Variants in NALF1 observed in about 807,000 individuals in gnomAD.
The protein encoded by NALF1 is family with sequence similarity 155 member A.
In NALF1, 3 loss-of-function variants were observed where a neutral mutation model predicts 48.4. The ratio of observed to expected loss-of-function variants is 0.06; its 90% CI spans 0.03 to 0.16. The LOEUF is 0.16. NALF1 is among the 10% of genes least tolerant of loss of function. NALF1 has a pLI of 1.00. For synonymous variants in NALF1, 262 were observed against 245.7 expected (o/e 1.07, Z -0.62); for missense variants, 526 against 571.5 (o/e 0.92, Z 0.81).
intron 1 of NALF1, among the ~76,000 whole-genome samples, chr13:107,309,506 T>A (rs1283904364): frequency 6.6e-6 from 1 of 152,210 alleles, no homozygotes; most frequent in Non-Finnish European, 1.5e-5. Context: ...ATTATTTGAT[T>A]CGGGAAAGTG....
intron 1 of NALF1, among the ~76,000 whole-genome samples, chr13:107,216,829 T>A (rs921392881): frequency 6.6e-6 from 1 of 152,146 alleles, no homozygotes; most frequent in Non-Finnish European, 1.5e-5. Context: ...GCAAGCCCAG[T>A]TGGCCAATCA....
At chr13:107,581,515 A>G (rs1306740107) in intron 1 of NALF1, among the ~76,000 whole-genome samples, 1 of 152,178 alleles carries the variant, frequency 6.6e-6, no homozygotes, top group Non-Finnish European at 1.5e-5. Context: ...TGCTAATTTA[A>G]TTAAAAACTG....
intron 1 of NALF1, among the ~76,000 whole-genome samples, chr13:107,704,766 G>T (rs978223994): frequency 3.9e-5 from 6 of 152,100 alleles, no homozygotes; most frequent in Admixed American, 3.9e-4. Flanking sequence ...TATTCATCAT[G>T]TTTTCATTTC....
At chr13:107,627,550 T>C (rs1879710586) in intron 1 of NALF1, among the ~76,000 whole-genome samples, 1 of 152,094 alleles carries the variant, frequency 6.6e-6, no homozygotes, top group Non-Finnish European at 1.5e-5. Context: ...GAAAGCAGCA[T>C]GGGTGTCAGC....
At chr13:107,214,542 C>T (rs1337088490) in intron 1 of NALF1, among the ~76,000 whole-genome samples, 2 of 152,138 alleles carry the variant, frequency 1.3e-5, no homozygotes, top group Non-Finnish European at 2.9e-5. Context: ...CCGACATCCA[C>T]CCACTCTTCC....
intron 1 of NALF1, among the ~76,000 whole-genome samples, chr13:107,457,371 T>C (rs1450693179): frequency 6.6e-6 from 1 of 152,146 alleles, no homozygotes; most frequent in Non-Finnish European, 1.5e-5. Flanking sequence ...ATGAATGTAA[T>C]ATTGGCCTCA....
chr13:107,235,215 T>A (rs1344292635), intron 1 of NALF1, among the ~76,000 whole-genome samples: 1 of 152,242 alleles, frequency 6.6e-6, no homozygotes, highest in East Asian at 1.9e-4. Context: ...GAATGCACTG[T>A]CTTCCTATTA....
chr13:107,732,889 C>T (rs182501182), intron 1 of NALF1, among the ~76,000 whole-genome samples: 1 of 152,224 alleles, frequency 6.6e-6, no homozygotes, highest in African/African-American at 2.4e-5. Flanking sequence ...TATGGACAAA[C>T]TTTCTACCCG....
At chr13:107,538,644 C>T (rs185689243) in intron 1 of NALF1, among the ~76,000 whole-genome samples, 22 of 152,090 alleles carry the variant, frequency 1.4e-4, no homozygotes, top group Non-Finnish European at 4.4e-5. Context: ...ATCATAGATC[C>T]TGTTTCTCAT....
At chr13:107,450,541 T>C (rs1290907705) in intron 1 of NALF1, among the ~76,000 whole-genome samples, 1 of 152,024 alleles carries the variant, frequency 6.6e-6, no homozygotes, top group Non-Finnish European at 1.5e-5. Flanking sequence ...AAGCATTAAG[T>C]TTAGGCTGCT....
At chr13:107,839,726 A>G (rs1472713586) in intron 1 of NALF1, among the ~76,000 whole-genome samples, 1 of 152,090 alleles carries the variant, frequency 6.6e-6, no homozygotes, top group Non-Finnish European at 1.5e-5. Flanking sequence ...AAATAAAGAG[A>G]TATTTTTGAC....
intron 1 of NALF1, among the ~76,000 whole-genome samples, chr13:107,452,098 T>C (rs1267645580): frequency 3.5e-5 from 3 of 85,888 alleles, no homozygotes; most frequent in African/African-American, 1.0e-4. Context: ...TTCTTCCTCC[T>C]CTGCTCCCTC....
chr13:107,481,937 T>C (rs1184774822), intron 1 of NALF1, among the ~76,000 whole-genome samples: 1 of 152,158 alleles, frequency 6.6e-6, no homozygotes, highest in East Asian at 1.9e-4. Context: ...TATTCTTTTA[T>C]CCTTAATTCT....
chr13:107,820,623 G>A lies in NALF1; in HGVS notation c.915+45059C>T, dbSNP rs1217257404. On this transcript the variant is annotated intron_variant, in intron 1 of 2. Transcript: ENST00000375915. Reference sequence around the variant, plus strand: ...CAATTTCCAAATGAATATTGGGAGAGTTAATCTATTTCCTCTTATCTGCTA... The same window carrying A: ...CAATTTCCAAATGAATATTGGGAGAATTAATCTATTTCCTCTTATCTGCTA... 2.0e-5 allele frequency among the ~76,000 whole-genome samples: 3 copies of A among 152,294 alleles called. No individual in the cohort carries two copies. The East Asian group carries it at 5.8e-4, about 29-fold the overall frequency.
At chr13:107,246,801 T>C (rs1233985847) in intron 1 of NALF1, among the ~76,000 whole-genome samples, 1 of 152,186 alleles carries the variant, frequency 6.6e-6, no homozygotes, top group African/African-American at 2.4e-5. Flanking sequence ...AACATCATAC[T>C]TATGTTTGGA....
intron 1 of NALF1, among the ~76,000 whole-genome samples, chr13:107,702,747 C>G (rs181916786): frequency 2.2e-3 from 337 of 152,256 alleles, no homozygotes; most frequent in Middle Eastern, 3.4e-3. Context: ...CCCCATGTGT[C>G]CCTGTGTTCT....
intron 1 of NALF1, among the ~76,000 whole-genome samples, chr13:107,780,452 C>T (rs1224039988): frequency 6.6e-6 from 1 of 151,858 alleles, no homozygotes. Flanking sequence ...GGTTATTTCT[C>T]ACAGGTGTTG....
intron 1 of NALF1, among the ~76,000 whole-genome samples, chr13:107,686,631 G>A (rs895814200): frequency 6.6e-6 from 1 of 151,994 alleles, no homozygotes; most frequent in African/African-American, 2.4e-5. Flanking sequence ...TGGAAAATAG[G>A]TCACATTATC....
At chr13:107,636,677 A>G (rs1353668861) in intron 1 of NALF1, among the ~76,000 whole-genome samples, 6 of 152,046 alleles carry the variant, frequency 3.9e-5, no homozygotes, top group Non-Finnish European at 7.4e-5. Flanking sequence ...AAATTATAGT[A>G]TTATTTAAAT....
Sources: allele counts gnomAD v4.1 joint callset (sites outside exome capture counted in the v4.1 genomes callset), GRCh38; gene constraint gnomAD v4.1.1; transcripts MANE v1.5; gene names NCBI Gene and HGNC (gene_info 2026-07-23, HGNC 2026-07-21).